Variants in ABI1 observed in about 807,000 individuals in gnomAD.
ABI1 encodes the protein Abelson interactor 1.
A neutral mutation model predicts 54.6 loss-of-function variants in ABI1; 14 were observed. The observed-to-expected ratio is 0.26, with a 90% CI of 0.17 to 0.40. The LOEUF is 0.40. ABI1 is among the 10% of genes least tolerant of loss of function. ABI1 has a pLI of 1.00. For synonymous variants in ABI1, 194 were observed against 209.3 expected (o/e 0.93, Z 0.63); for missense variants, 443 against 598.3 (o/e 0.74, Z 2.71).
intron 9 of ABI1, among the ~76,000 whole-genome samples, chr10:26,754,332 TACAG>T (rs776361676): frequency 1.1e-4 from 16 of 152,178 alleles, no homozygotes; most frequent in Admixed American, 2.6e-4. Context: ...TATTTTTTTG[TACAG>T]ACAGTCTTGC....
intron 2 of ABI1, among the ~76,000 whole-genome samples, chr10:26,819,733 T>G (rs538542437): frequency 6.6e-6 from 1 of 152,202 alleles, no homozygotes; most frequent in Non-Finnish European, 1.5e-5. Flanking sequence ...TTATTCAGAA[T>G]AGCCAAGACA....
intron 2 of ABI1, among the ~76,000 whole-genome samples, chr10:26,798,983 GAA>G (rs1381391133): frequency 2.6e-5 from 4 of 151,638 alleles, no homozygotes; most frequent in Admixed American, 2.6e-4. Flanking sequence ...AAAGAAAGGA[GAA>G]AAAAGAGACA....
intron 2 of ABI1, among the ~76,000 whole-genome samples, chr10:26,815,512 C>T (rs2047507036): frequency 6.6e-6 from 1 of 152,098 alleles, no homozygotes; most frequent in South Asian, 2.1e-4. Context: ...TGTTTTGTTA[C>T]TGAAAAAACA....
chr10:26,852,885 G>A (rs552098920), intron 1 of ABI1, among the ~76,000 whole-genome samples: 4 of 152,232 alleles, frequency 2.6e-5, no homozygotes, highest in South Asian at 2.1e-4. Context: ...TGGGCAACAC[G>A]GCAAAATCCC....
intron 2 of ABI1, among the ~76,000 whole-genome samples, chr10:26,784,321 A>C (rs777086843): frequency 1.1e-4 from 17 of 152,338 alleles, no homozygotes; most frequent in Non-Finnish European, 2.2e-4. Flanking sequence ...TTTTCAAGGG[A>C]CAGTCATTTC....
chr10:26,810,078 G>A (rs2047131066), intron 2 of ABI1, among the ~76,000 whole-genome samples: 1 of 152,156 alleles, frequency 6.6e-6, no homozygotes, highest in African/African-American at 2.4e-5. Context: ...CCATAAGTAT[G>A]GGTAGAATGG....
chr10:26,777,687 T>C (rs757116863), intron 2 of ABI1, among the ~76,000 whole-genome samples: 1 of 151,910 alleles, frequency 6.6e-6, no homozygotes, highest in Non-Finnish European at 1.5e-5. Flanking sequence ...AGTGAGAGGA[T>C]TGCTTCAACC....
At chr10:26,763,845 T>C in intron 7 of ABI1, 1 of 1,562,452 alleles carries the variant, frequency 6.4e-7, no homozygotes, top group Non-Finnish European at 8.8e-7. Context: ...TTATGTAAAG[T>C]GAGTTCAATG....
intron 2 of ABI1, among the ~76,000 whole-genome samples, chr10:26,779,013 C>T (rs907328172): frequency 2.0e-5 from 3 of 152,138 alleles, no homozygotes; most frequent in Non-Finnish European, 4.4e-5. Context: ...TAATGATGTC[C>T]TTTGTCTCTG....
At chr10:26,768,584 G>A (rs1364798256) in intron 6 of ABI1, among the ~76,000 whole-genome samples, 1 of 151,670 alleles carries the variant, frequency 6.6e-6, no homozygotes, top group African/African-American at 2.4e-5. Context: ...CGTAGAGTCT[G>A]ATAGAGTCTG....
intron 1 of ABI1, 101 bp from the exon 2 acceptor site, chr10:26,823,406 C>A (rs2048110721): frequency 1.0e-6 from 1 of 969,242 alleles, no homozygotes; most frequent in African/African-American, 1.7e-5. Flanking sequence ...TAGAGAAATT[C>A]AATAAAAAAA....
chr10:26,748,512 A>G lies in ABI1; in HGVS notation c.*58T>C, dbSNP rs1837189859. ...ACATATTAAGACAGTTCTGTTAACCATAATAGTCCCACAGTATGACTGAGT... is the reference window on the plus strand; with the variant it reads ...ACATATTAAGACAGTTCTGTTAACCGTAATAGTCCCACAGTATGACTGAGT... On this transcript the variant is annotated 3_prime_UTR_variant, in exon 11 of 11. Coordinates refer to ENST00000376140, the MANE Select transcript of ABI1 (RefSeq NM_001012750.3). 2.3e-6 allele frequency: 3 copies of G among 1,322,654 alleles called. No individual in the cohort carries two copies. Among genetic ancestry groups the G allele is most frequent in the South Asian group, 2.9e-5 (2 of 69,228 alleles). The allele number at this position is 1,322,654 out of a possible 1,614,324, so 81.9% of individuals were successfully genotyped here.
In ABI1 at chr10:26,860,099, C is replaced by T. The variant is rs967909048; in HGVS notation, c.117+648G>A. On this transcript the variant is annotated intron_variant, in intron 1 of 10. Coordinates refer to ENST00000376140, the MANE Select transcript of ABI1 (RefSeq NM_001012750.3). This position sits in a 1 kb window ranked among gnomAD's most constrained non-coding sequence, Gnocchi z 4.1. ...AACTTCTCTCAAACGCCCTCCCTCA[C>T]TCCCCACACCCGCTTCCTCCTCTCC... 3.9e-5 allele frequency among the ~76,000 whole-genome samples: 6 copies of T among 152,180 alleles called. No individual in the cohort carries two copies. The highest frequency in any genetic ancestry group is 1.4e-4 in the African/African-American group (6 of 41,428).
chr10:26,840,486 A>ACC (rs1167585449), intron 1 of ABI1, among the ~76,000 whole-genome samples: 2 of 152,228 alleles, frequency 1.3e-5, no homozygotes, highest in Non-Finnish European at 2.9e-5. Context: ...CCAGCTTACA[A>ACC]CACAGTTTCA....
At chr10:26,825,488 C>A (rs1330506588) in intron 1 of ABI1, among the ~76,000 whole-genome samples, 2 of 152,064 alleles carry the variant, frequency 1.3e-5, no homozygotes. Flanking sequence ...TGGTGAAACC[C>A]TGTCTCTACT....
chr10:26,781,905 A>G (rs766719649), intron 2 of ABI1, among the ~76,000 whole-genome samples: 9 of 152,210 alleles, frequency 5.9e-5, no homozygotes, highest in Non-Finnish European at 8.8e-5. Flanking sequence ...ACACAGCAAC[A>G]TATCTATCAT....
In ABI1 at chr10:26,839,081, G is replaced by A. The variant is rs558019759; in HGVS notation, c.118-15776C>T. Among the ~76,000 whole-genome samples the A allele has an allele frequency of 9.2e-5, 14 of 152,322 alleles. No individual in the cohort carries two copies. The South Asian group carries it at 2.9e-3, about 32-fold the overall frequency. The stretch of plus-strand genomic sequence containing the variant: ...ATAACTGAGCATGTTTTTGATCTAT[G>A]AAACAATTGATGTTCTACACATAGG... On this transcript the variant is annotated intron_variant, in intron 1 of 10. Coordinates refer to ENST00000376140, the MANE Select transcript of ABI1 (RefSeq NM_001012750.3).
chr10:26,770,604 C>G, intron 4 of ABI1: 1 of 648,174 alleles, frequency 1.5e-6, no homozygotes. Context: ...TATTGTTAAA[C>G]ATGTTCACTG....
chr10:26,825,304 T>C (rs1229720420), intron 1 of ABI1, among the ~76,000 whole-genome samples: 3 of 152,146 alleles, frequency 2.0e-5, no homozygotes, highest in South Asian at 2.1e-4. Context: ...GGCAGGAGAA[T>C]TGCTTAAGCC....
Sources: allele counts gnomAD v4.1 joint callset (sites outside exome capture counted in the v4.1 genomes callset), GRCh38; gene constraint gnomAD v4.1.1; non-coding constraint Gnocchi (gnomAD v3.1); transcripts MANE v1.5; gene names NCBI Gene and HGNC (gene_info 2026-07-23, HGNC 2026-07-21).